DRG2: variants seen among roughly 807,000 people sequenced by gnomAD.
DRG2 encodes the protein developmentally-regulated GTP-binding protein 2.
A neutral mutation model predicts 53.4 loss-of-function variants in DRG2; 36 were observed. That is an observed-to-expected ratio of 0.67 (90% confidence interval 0.52 to 0.89). DRG2 has a LOEUF of 0.89. Ranked by LOEUF, DRG2 falls within the 40% of genes least tolerant of loss-of-function variation. The pLI, the probability that DRG2 is intolerant of heterozygous loss-of-function variation, is 0.00. For synonymous variants in DRG2, 167 were observed against 192.1 expected (o/e 0.87, Z 1.08); for missense variants, 342 against 481.2 (o/e 0.71, Z 2.71).
At chr17:18,090,112 T>A (rs564445507) in intron 1 of DRG2, among the ~76,000 whole-genome samples, 1 of 149,118 alleles carries the variant, frequency 6.7e-6, no homozygotes, top group South Asian at 2.1e-4. Context: ...ACCTAGTCCC[T>A]CCCTTCAGAG....
chr17:18,094,150 C>T, intron 2 of DRG2, 177 bp downstream of exon 2: 1 of 792,442 alleles, frequency 1.3e-6, no homozygotes. Flanking sequence ...ACGCTCTTTC[C>T]TCTTGCCAGC....
intron 1 of DRG2, among the ~76,000 whole-genome samples, chr17:18,088,926 C>T (rs186687183): frequency 6.6e-6 from 1 of 152,226 alleles, no homozygotes; most frequent in East Asian, 1.9e-4. Context: ...ATGGTATGTT[C>T]ATGGGACAGT....
rs1425349304 is a variant in DRG2 at position 18,093,861 on chromosome 17, G to A, written c.113G>A (p.Arg38Gln). The A allele has an allele frequency of 1.9e-6, 3 of 1,614,056 alleles. No individual in the cohort carries two copies. The highest frequency in any genetic ancestry group is 1.7e-6 in the Non-Finnish European group (2 of 1,180,026). ...GLLKAKLAKY[R>Q]AQLLEPSKSA... ...CTGAAAGCTAAGCTCGCCAAGTATCGGGCCCAGCTCCTGGAACCGTCCAAA... is the reference window on the plus strand; with the variant it reads ...CTGAAAGCTAAGCTCGCCAAGTATCAGGCCCAGCTCCTGGAACCGTCCAAA... The change falls in exon 2 of 13, where the codon CGG becomes CAG. Residue 38 changes from arginine (R) to glutamine (Q), a missense_variant. Coordinates refer to ENST00000225729, the MANE Select transcript of DRG2 (RefSeq NM_001388.5).
At chr17:18,092,632 GA>G (rs1055622270) in intron 1 of DRG2, among the ~76,000 whole-genome samples, 1 of 151,796 alleles carries the variant, frequency 6.6e-6, no homozygotes, top group Non-Finnish European at 1.5e-5. Flanking sequence ...ACTTGAATTT[GA>G]AAAAAACCAA....
rs1597723459 is a variant in DRG2, at chr17:18,098,605, G to A, written c.315+246G>A. 4 of 490,280 alleles carry A rather than the reference G, an allele frequency of 8.2e-6. No individual in the cohort carries two copies. In the East Asian group the frequency reaches 1.1e-4, roughly 13 times the overall value. The allele number at this position is 490,280 out of a possible 1,614,324, so 30.4% of individuals were successfully genotyped here. ...GTGGCTACTTTGCCTGGCGCCCCCT[G>A]TGCTCTCCTCCCCAACACCACCACA... is the stretch of plus-strand genomic sequence containing the variant. On this transcript the variant is annotated intron_variant, in intron 3 of 12. Coordinates refer to ENST00000225729, the MANE Select transcript of DRG2 (RefSeq NM_001388.5). This position sits in a 1 kb window ranked among gnomAD's most constrained non-coding sequence, Gnocchi z 4.1.
In DRG2 at chr17:18,099,047, C is replaced by G. The variant is rs1231377861; in HGVS notation, c.346C>G (p.Leu116Val). The change falls in exon 4 of 13, where the codon CTT (leucine) becomes GTT (valine). Residue 116 changes from leucine (L) to valine (V), a missense_variant. Physicochemically the swap from Leu to Val is conservative, Grantham distance 32. Coordinates refer to ENST00000225729, the MANE Select transcript of DRG2 (RefSeq NM_001388.5). The surrounding 1 kb of genome is among the most constrained non-coding windows in gnomAD (Gnocchi z 4.4). ...AGGTGCCAACATCCAGCTCCTGGAC[C>G]TTCCTGGAATCATTGAAGGCGCAGC... ...YKGANIQLLD[L>V]PGIIEGAAQG... 6.2e-7 allele frequency: 1 copy of G among 1,614,108 alleles called. No homozygotes were observed. Among genetic ancestry groups the G allele is most frequent in the Admixed American group, 1.7e-5 (1 of 60,026 alleles).
chr17:18,103,900 CT>C lies in DRG2; in HGVS notation c.895+12del. On this transcript the variant is annotated intron_variant, in intron 10 of 12. Coordinates refer to ENST00000225729, the MANE Select transcript of DRG2 (RefSeq NM_001388.5). The surrounding 1 kb of genome is among the most constrained non-coding windows in gnomAD (Gnocchi z 4.4). ...CCAAGAAGAGAGGACGTGAGTTGCA[CT>C]GCGCGTAGCTGAAAAACAGGCTGAG... 1 of 1,613,084 alleles carries C rather than the reference CT, an allele frequency of 6.2e-7. No homozygotes were observed. The highest frequency in any genetic ancestry group is 8.5e-7 in the Non-Finnish European group (1 of 1,179,150).
chr17:18,096,370 A>G (rs1202950336), intron 2 of DRG2: 2 of 152,046 alleles, frequency 1.3e-5, no homozygotes, highest in South Asian at 2.1e-4. Flanking sequence ...GTTTTATTCA[A>G]TCATTTATTG....
At chr17:18,088,318 G>T (rs553375648) in intron 1 of DRG2, among the ~76,000 whole-genome samples, 1 of 152,358 alleles carries the variant, frequency 6.6e-6, no homozygotes, top group East Asian at 1.9e-4. Flanking sequence ...GTCCCAGACC[G>T]TGTGCCCGAG....
In DRG2 at chr17:18,103,890, G is replaced by A. The variant is rs1177309050; in HGVS notation, c.895+1G>A. 2.5e-6 allele frequency: 4 copies of A among 1,613,784 alleles called. No individual in the cohort carries two copies. Among genetic ancestry groups the A allele is most frequent in the East Asian group, 4.5e-5 (2 of 44,892 alleles). ...TGCATCTACACCAAGAAGAGAGGAC[G>A]TGAGTTGCACTGCGCGTAGCTGAAA... On this transcript the variant is annotated splice_donor_variant, in intron 10 of 12. Coordinates refer to ENST00000225729, the MANE Select transcript of DRG2 (RefSeq NM_001388.5). LOFTEE classifies it high-confidence loss of function. This position sits in a 1 kb window ranked among gnomAD's most constrained non-coding sequence, Gnocchi z 4.4.
At position 18,088,046 on chromosome 17, in the gene DRG2, C is replaced by CGGAGATCGAGAA; in HGVS notation, c.32_43dup (p.Glu11_Ile14dup). The CGGAGATCGAGAA allele has an allele frequency of 6.5e-7, 1 of 1,549,860 alleles. No homozygotes were observed. The highest frequency in any genetic ancestry group is 8.7e-7 in the Non-Finnish European group (1 of 1,146,344). Reference sequence around the variant, plus strand: ...ACCATGGGGATCTTAGAGAAGATCTCGGAGATCGAGAAGGAGATCGCTCGG... The same window carrying CGGAGATCGAGAA: ...ACCATGGGGATCTTAGAGAAGATCTCGGAGATCGAGAAGGAGATCGAGAAGGAGATCGCTCGG... On this transcript the variant is annotated inframe_insertion, in exon 1 of 13. Transcript: ENST00000225729.
In DRG2 at chr17:18,107,339, T is replaced by G; in HGVS notation, c.*99T>G. ...CCAAACAGAAAAATACAAATACACG[T>G]ACCCCAGGAAGGGGTCCCTCAAGTC... On this transcript the variant is annotated 3_prime_UTR_variant, in exon 13 of 13. Transcript: ENST00000225729. The G allele has an allele frequency of 1.7e-6, 2 of 1,171,782 alleles. No individual in the cohort carries two copies. Among genetic ancestry groups the G allele is most frequent in the Non-Finnish European group, 2.5e-6 (2 of 811,772 alleles). The allele number at this position is 1,171,782 out of a possible 1,614,324, so 72.6% of individuals were successfully genotyped here. A position where few individuals can be genotyped will look rare whatever the true frequency, so the allele number is the denominator to read the frequency against.
intron 9 of DRG2, among the ~76,000 whole-genome samples, chr17:18,102,850 G>A (rs1051041305): frequency 6.6e-6 from 1 of 152,166 alleles, no homozygotes; most frequent in African/African-American, 2.4e-5. Context: ...CTGGATGTTT[G>A]TTCACTTGCC....
intron 7 of DRG2, among the ~76,000 whole-genome samples, chr17:18,101,263 T>G (rs545825811): frequency 2.2e-4 from 33 of 152,328 alleles, no homozygotes; most frequent in African/African-American, 7.9e-4. Context: ...TCTCCCTGCC[T>G]AGCTGTCAAG....
chr17:18,099,030 A>G lies in DRG2; in HGVS notation c.329A>G (p.Asn110Ser), dbSNP rs1597723879. Residue 110 changes from asparagine to serine, a missense_variant, in exon 4 of 13, where the codon AAC becomes AGC. By Grantham distance (46) the Asn-to-Ser change is conservative. Coordinates refer to ENST00000225729, the MANE Select transcript of DRG2 (RefSeq NM_001388.5). The surrounding 1 kb of genome is among the most constrained non-coding windows in gnomAD (Gnocchi z 4.4). Reference protein sequence around the residue: ...IPGVIEYKGANIQLLDLPGII... With the variant: ...IPGVIEYKGASIQLLDLPGII... ...TCTGCATCCTAGTACAAAGGTGCCA[A>G]CATCCAGCTCCTGGACCTTCCTGGA... is the stretch of plus-strand genomic sequence containing the variant. 6.2e-7 allele frequency: 1 copy of G among 1,614,096 alleles called. No homozygotes were observed. Among genetic ancestry groups the G allele is most frequent in the Non-Finnish European group, 8.5e-7 (1 of 1,180,000 alleles).
intron 1 of DRG2, 75 bp downstream of exon 1, chr17:18,088,162 C>T: frequency 6.8e-7 from 1 of 1,477,200 alleles, no homozygotes; most frequent in Non-Finnish European, 9.1e-7. Context: ...GGAACAACTC[C>T]AGCAGTAATG....
rs2045298129 is a variant in DRG2 at position 18,090,379 on chromosome 17, TATATATATATATATATATATATATATA to T, written c.64+2293_64+2319del. Among the ~76,000 whole-genome samples the T allele has an allele frequency of 4.7e-4, 5 of 10,614 alleles. No homozygotes were observed. In the East Asian group the frequency reaches 0.013, roughly 27 times the overall value. 7.0% of individuals were successfully genotyped at this position (10,614 alleles called of 152,430 possible). A position where few individuals can be genotyped will look rare whatever the true frequency, so the allele number is the denominator to read the frequency against. On this transcript the variant is annotated intron_variant, in intron 1 of 12. Coordinates refer to ENST00000225729, the MANE Select transcript of DRG2 (RefSeq NM_001388.5). ...CACACCGGGCTAATTTATATATATATATATATATATATATATATATATATATATTTTTTTTTTTTTTTTTTTTTTTTT... is the reference window on the plus strand; with the variant it reads ...CACACCGGGCTAATTTATATATATATTTTTTTTTTTTTTTTTTTTTTTTTT...
In DRG2 at chr17:18,099,734, T is replaced by G. The variant is rs1194325926; in HGVS notation, c.467+11T>G. On this transcript the variant is annotated intron_variant, in intron 5 of 12. Transcript: ENST00000225729. The surrounding 1 kb of genome is among the most constrained non-coding windows in gnomAD (Gnocchi z 4.4). Reference sequence around the variant, plus strand: ...GGGAGAGGTGCAGAGGTCCGCAGGGTGGGGCATGGGGCAGGCTCACATGTC... The same window carrying G: ...GGGAGAGGTGCAGAGGTCCGCAGGGGGGGGCATGGGGCAGGCTCACATGTC... 6.3e-7 allele frequency: 1 copy of G among 1,590,870 alleles called. No homozygotes were observed. Among genetic ancestry groups the G allele is most frequent in the South Asian group, 1.1e-5 (1 of 87,206 alleles).
At position 18,098,972 on chromosome 17, in the gene DRG2, T is replaced by TGGA. The variant is rs1445747205; in HGVS notation, c.316-42_316-40dup. Reference sequence around the variant, plus strand: ...CCAGATCCAGACAGGACCTTTCCAGTGGAGGCCCAGCCTTGCCTTACCTTT... The same window carrying TGGA: ...CCAGATCCAGACAGGACCTTTCCAGTGGAGGAGGCCCAGCCTTGCCTTACCTTT... On this transcript the variant is annotated intron_variant, in intron 3 of 12. Transcript: ENST00000225729. This position sits in a 1 kb window ranked among gnomAD's most constrained non-coding sequence, Gnocchi z 4.1. 1.2e-6 allele frequency: 2 copies of TGGA among 1,608,818 alleles called. No homozygotes were observed. Among genetic ancestry groups the TGGA allele is most frequent in the Non-Finnish European group, 1.7e-6 (2 of 1,175,638 alleles).
Sources: gnomAD v4.1 joint callset for allele counts (sites outside exome capture counted in the v4.1 genomes callset) on GRCh38, gnomAD v4.1.1 for gene constraint, Gnocchi (gnomAD v3.1) non-coding constraint, MANE v1.5 for transcripts, NCBI Gene and HGNC (gene_info 2026-07-23, HGNC 2026-07-21) for gene names.